ANO4: variants seen among roughly 807,000 people sequenced by gnomAD.
ANO4 encodes anoctamin-4.
ANO4 carries 69 observed loss-of-function variants against 141.9 expected under a neutral mutation model. The ratio of observed to expected loss-of-function variants is 0.49; its 90% CI spans 0.40 to 0.59. ANO4 has a LOEUF of 0.59. ANO4 is among the 20% of genes least tolerant of loss of function. The pLI, the probability that ANO4 is intolerant of heterozygous loss-of-function variation, is 0.00. For synonymous variants in ANO4, 350 were observed against 394.3 expected, an observed-to-expected ratio of 0.89 and a Z score of 1.33; for missense variants, 894 against 1,162.2, an observed-to-expected ratio of 0.77 and a Z score of 3.36.
intron 25 of ANO4, among the ~76,000 whole-genome samples, chr12:101,118,463 A>G (rs969953064): frequency 6.6e-6 from 1 of 152,224 alleles, no homozygotes. Context: ...AAAATTTCTA[A>G]TTAAAATCAT....
intron 2 of ANO4, among the ~76,000 whole-genome samples, chr12:100,734,252 T>C (rs1202047834): frequency 1.3e-5 from 2 of 152,230 alleles, no homozygotes; most frequent in African/African-American, 4.8e-5. Context: ...AAAAGTCTAC[T>C]CTTTGCTGTT....
chr12:100,940,965 A>G (rs1349019922), intron 4 of ANO4, among the ~76,000 whole-genome samples: 3 of 152,184 alleles, frequency 2.0e-5, no homozygotes, highest in South Asian at 4.1e-4. Flanking sequence ...GTAAGTTACA[A>G]AGTATGATAA....
intron 3 of ANO4, among the ~76,000 whole-genome samples, chr12:100,758,975 G>A (rs1479432719): frequency 6.6e-6 from 1 of 152,036 alleles, no homozygotes; most frequent in Non-Finnish European, 1.5e-5. Context: ...CCTAATTCAG[G>A]ATGCTCGAGA....
intron 2 of ANO4, among the ~76,000 whole-genome samples, chr12:100,906,218 G>A (rs894233437): frequency 6.6e-6 from 1 of 152,068 alleles, no homozygotes; most frequent in Non-Finnish European, 1.5e-5. Flanking sequence ...GAGAGAAAGG[G>A]AATCAAAAGT....
chr12:101,079,719 GA>G (rs2077392902), intron 15 of ANO4, among the ~76,000 whole-genome samples: 1 of 152,174 alleles, frequency 6.6e-6, no homozygotes, highest in Non-Finnish European at 1.5e-5. Flanking sequence ...TCTGAAGTAT[GA>G]CATCAAGTGT....
chr12:101,119,408 C>T (rs1305407061), intron 25 of ANO4, among the ~76,000 whole-genome samples: 1 of 151,998 alleles, frequency 6.6e-6, no homozygotes, highest in African/African-American at 2.4e-5. Flanking sequence ...GAGCCAAGAT[C>T]GCACCACTGC....
At chr12:101,007,278 A>C (rs1242132126) in intron 8 of ANO4, among the ~76,000 whole-genome samples, 3 of 152,202 alleles carry the variant, frequency 2.0e-5, no homozygotes, top group Non-Finnish European at 4.4e-5. Flanking sequence ...TAAATCCGAG[A>C]GGCAGAGGTT....
chr12:100,984,323 G>C (rs1436638808), intron 7 of ANO4, among the ~76,000 whole-genome samples: 1 of 152,176 alleles, frequency 6.6e-6, no homozygotes, highest in Admixed American at 6.5e-5. Flanking sequence ...TCTCACGCCT[G>C]TAATCCCAGC....
chr12:100,854,003 C>G (rs532402856), intron 1 of ANO4, among the ~76,000 whole-genome samples: 2 of 152,198 alleles, frequency 1.3e-5, no homozygotes, highest in East Asian at 3.9e-4. Context: ...ATTGTTTTTG[C>G]ATTTTCCATG....
intron 8 of ANO4, among the ~76,000 whole-genome samples, chr12:100,996,021 C>T (rs2045353381): frequency 6.6e-6 from 1 of 152,190 alleles, no homozygotes; most frequent in Non-Finnish European, 1.5e-5. Flanking sequence ...TTGTGGTTTC[C>T]ATGTCCAACT....
At chr12:100,961,148 A>G (rs188935801) in intron 5 of ANO4, among the ~76,000 whole-genome samples, 129 of 152,300 alleles carry the variant, frequency 8.5e-4, no homozygotes, top group African/African-American at 2.8e-3. Flanking sequence ...CGAGGGTCCA[A>G]TTAGGGCCTA....
intron 1 of ANO4, among the ~76,000 whole-genome samples, chr12:100,733,363 A>G (rs1471062886): frequency 1.3e-5 from 2 of 152,160 alleles, no homozygotes; most frequent in Non-Finnish European, 2.9e-5. Context: ...TTGCCCAGTC[A>G]GATAGTACTC....
chr12:100,794,238 C>T (rs1423267297), upstream of ANO4, among the ~76,000 whole-genome samples: 1 of 152,096 alleles, frequency 6.6e-6, no homozygotes, highest in Non-Finnish European at 1.5e-5. Flanking sequence ...TCCAAAGCGC[C>T]ATTACTGTAC....
At chr12:100,753,830 A>T (rs577239834) in intron 3 of ANO4, among the ~76,000 whole-genome samples, 1 of 152,154 alleles carries the variant, frequency 6.6e-6, no homozygotes, top group Non-Finnish European at 1.5e-5. Flanking sequence ...TTCCCCTAAT[A>T]TTTAGCTCTG....
intron 3 of ANO4, among the ~76,000 whole-genome samples, chr12:100,750,315 T>TTG (rs1052985879): frequency 1.3e-5 from 2 of 150,224 alleles, no homozygotes; most frequent in African/African-American, 4.9e-5. Context: ...TTTTTTTTTT[T>TTG]GTATTTTTAG....
intron 1 of ANO4, among the ~76,000 whole-genome samples, chr12:100,802,405 ATGAG>A (rs781022569): frequency 2.6e-5 from 4 of 152,184 alleles, no homozygotes; most frequent in Non-Finnish European, 5.9e-5. Context: ...TCCTAAAAGA[ATGAG>A]TGAACATATT....
intron 1 of ANO4, among the ~76,000 whole-genome samples, chr12:100,725,760 TC>T (rs1183409825): frequency 6.6e-6 from 1 of 152,182 alleles, no homozygotes; most frequent in East Asian, 1.9e-4. Flanking sequence ...TTTCCCCAAA[TC>T]AGAGTGAAAC....
chr12:100,879,790 T>G (rs2039483838), intron 1 of ANO4, among the ~76,000 whole-genome samples: 1 of 152,168 alleles, frequency 6.6e-6, no homozygotes, highest in Non-Finnish European at 1.5e-5. Context: ...GAAACTTGGT[T>G]TATATTAATG....
At chr12:100,907,123 G>A (rs915739201) in intron 2 of ANO4, among the ~76,000 whole-genome samples, 2 of 152,150 alleles carry the variant, frequency 1.3e-5, no homozygotes, top group African/African-American at 2.4e-5. Context: ...TGGCTATCCC[G>A]AAGAAAGTGC....
Sources: gnomAD v4.1 joint callset for allele counts (sites outside exome capture counted in the v4.1 genomes callset) on GRCh38, gnomAD v4.1.1 for gene constraint, MANE v1.5 for transcripts, NCBI Gene and HGNC (gene_info 2026-07-23, HGNC 2026-07-21) for gene names.